The following COL4A2 variants were observed in gnomAD, a reference collection of about 807,000 sequenced individuals.
COL4A2 encodes the protein collagen alpha-2(IV) chain.
Under a neutral mutation model 200.2 loss-of-function variants are expected in COL4A2, and 99 were observed. That is an observed-to-expected ratio of 0.49 (90% CI 0.42 to 0.58). The LOEUF (loss-of-function observed/expected upper bound fraction) is 0.58. Among genes scored for constraint, COL4A2 ranks in the 20% least tolerant of loss-of-function variants. COL4A2 has a pLI of 0.00. For synonymous variants in COL4A2, 897 were observed against 900.6 expected, an observed-to-expected ratio of 1.00 and a Z score of 0.07; for missense variants, 1,950 against 2,314.1, an observed-to-expected ratio of 0.84 and a Z score of 3.23.
At chr13:110,470,835 C>T (rs117336711) in intron 28 of COL4A2, among the ~76,000 whole-genome samples, 17 of 152,320 alleles carry the variant, frequency 1.1e-4, no homozygotes, top group Middle Eastern at 3.4e-3. Context: ...TGGTATCTTT[C>T]GGAATTTTGT....
intron 4 of COL4A2, among the ~76,000 whole-genome samples, chr13:110,415,116 G>T (rs1879991015): frequency 6.6e-6 from 1 of 152,178 alleles, no homozygotes; most frequent in African/African-American, 2.4e-5. Context: ...CCGAGGTTTG[G>T]AGAAGGGAGC....
intron 28 of COL4A2, among the ~76,000 whole-genome samples, chr13:110,472,289 G>A (rs1336728018): frequency 6.6e-6 from 1 of 151,886 alleles, no homozygotes; most frequent in Non-Finnish European, 1.5e-5. Context: ...CTAATTTTTT[G>A]TATTTTTAGT....
chr13:110,484,091 C>T (rs1380945319), intron 32 of COL4A2, among the ~76,000 whole-genome samples: 2 of 38,456 alleles, frequency 5.2e-5, no homozygotes, highest in Non-Finnish European at 1.1e-4. Flanking sequence ...CAGGCTATTT[C>T]AGGCAAAAAA....
At position 110,373,482 on chromosome 13, in the gene COL4A2, G is replaced by A. The variant is rs576539176; in HGVS notation, c.180+15930G>A. 1.4e-4 allele frequency among the ~76,000 whole-genome samples: 21 copies of A among 152,342 alleles called. No homozygotes were observed. The South Asian group carries it at 4.1e-3, about 30-fold the overall frequency. Reference sequence around the variant, plus strand: ...CAACTTATAGAACAGTCCTCCTGATGTGATCAGCTAAAAAGAAATTTGAAG... The same window carrying A: ...CAACTTATAGAACAGTCCTCCTGATATGATCAGCTAAAAAGAAATTTGAAG... On this transcript the variant is annotated intron_variant, in intron 4 of 47. Coordinates refer to ENST00000360467, the MANE Select transcript of COL4A2 (RefSeq NM_001846.4).
chr13:110,347,885 G>A (rs1042973330), intron 3 of COL4A2, among the ~76,000 whole-genome samples: 2 of 152,244 alleles, frequency 1.3e-5, no homozygotes, highest in African/African-American at 4.8e-5. Context: ...GGGGCTTGTT[G>A]CCGATGACTC....
intron 21 of COL4A2, 23 bp from the exon 22 acceptor site, chr13:110,458,748 G>GCCCTCCTCT: frequency 6.2e-7 from 1 of 1,613,576 alleles, no homozygotes; most frequent in Non-Finnish European, 8.5e-7. Context: ...GAACAAGGAG[G>GCCCTCCTCT]CCCTCCTCTC....
chr13:110,482,448 C>A, intron 31 of COL4A2, 68 bp from the exon 32 acceptor site: 4 of 1,508,694 alleles, frequency 2.7e-6, no homozygotes, highest in Non-Finnish European at 3.7e-6. Flanking sequence ...GTTACGGAGA[C>A]GTGAGACTGA....
chr13:110,393,477 TTGTC>T (rs766791283), intron 4 of COL4A2, among the ~76,000 whole-genome samples: 31 of 152,176 alleles, frequency 2.0e-4, no homozygotes, highest in African/African-American at 6.8e-4. Context: ...TTTCAATTCT[TTGTC>T]TGAGTAGTGA....
intron 47 of COL4A2, among the ~76,000 whole-genome samples, chr13:110,509,298 A>AC (rs1566575734): frequency 2.2e-4 from 27 of 122,640 alleles, no homozygotes; most frequent in African/African-American, 7.7e-4. Context: ...CACACACACA[A>AC]CATAAAATAT....
chr13:110,328,609 G>A lies in COL4A2; in HGVS notation c.99+20486G>A, dbSNP rs75445628. Reference sequence around the variant, plus strand: ...GGCTGCTGGGCACGTTTAATTCAACGACTGTGCGGTGGTAAGGATGGTAGA... The same window carrying A: ...GGCTGCTGGGCACGTTTAATTCAACAACTGTGCGGTGGTAAGGATGGTAGA... On this transcript the variant is annotated intron_variant, in intron 3 of 47. Transcript: ENST00000360467. 222 of 152,344 alleles carry A rather than the reference G, an allele frequency of 1.5e-3. 1 individual carries two copies. The East Asian group carries it at 0.038, about 26-fold the overall frequency. The allele number at this position is 152,344 out of a possible 1,614,324, so 9.4% of individuals were successfully genotyped here. A position where few individuals can be genotyped will look rare whatever the true frequency, so the allele number is the denominator to read the frequency against.
chr13:110,375,546 C>T (rs1259505247), intron 4 of COL4A2, among the ~76,000 whole-genome samples: 1 of 152,126 alleles, frequency 6.6e-6, no homozygotes. Flanking sequence ...AAATTTTTGA[C>T]AGAGCCGGTG....
Position 110,458,780 on chromosome 13 carries a change from G to T in COL4A2, c.1442G>T (p.Gly481Val). The change falls in exon 22 of 48, where the codon GGG becomes GTG. Residue 481 changes from glycine to valine, a missense_variant. Physicochemically the swap from Gly to Val is moderately radical, Grantham distance 109 (BLOSUM62 -3). Around this residue, in one of 2 missense-constraint regions of COL4A2, gnomAD observed 1,385 missense variants for 1,720.5 expected, o/e 0.80. Coordinates refer to ENST00000360467, the MANE Select transcript of COL4A2 (RefSeq NM_001846.4). The stretch of plus-strand genomic sequence containing the variant: ...TCTCCCTCCTCTGCAGGTGACGCTG[G>T]GGAATGCAGATGTACAGAAGGCGAC... ...RGPKGWKGDAGECRCTEGDEA... is the reference protein window; with the variant it reads ...RGPKGWKGDAVECRCTEGDEA... 1 of 1,614,092 alleles carries T rather than the reference G, an allele frequency of 6.2e-7. No homozygotes were observed. Among genetic ancestry groups the T allele is most frequent in the Non-Finnish European group, 8.5e-7 (1 of 1,180,012 alleles).
rs773933253 is a variant in COL4A2, at chr13:110,504,195, G to A, written c.4333G>A (p.Val1445Met). The A allele has an allele frequency of 6.2e-7, 1 of 1,614,178 alleles. No individual in the cohort carries two copies. Among genetic ancestry groups the A allele is most frequent in the South Asian group, 1.1e-5 (1 of 91,086 alleles). Residue 1445 changes from valine to methionine, a missense_variant, in exon 45 of 48, where the codon GTG (valine) becomes ATG (methionine). This residue lies in a region of COL4A2 where 1,385 missense variants were observed against 1,720.5 expected (regional missense o/e 0.80). Coordinates refer to ENST00000360467, the MANE Select transcript of COL4A2 (RefSeq NM_001846.4). ...AGCTGGGCCCCAAGGAAGAGGTGGT[G>A]TGTCTGCTGTTCCCGGCTTCCGGGG... ...GKAGPQGRGG[V>M]SAVPGFRGDE...
In COL4A2 at chr13:110,506,415, G is replaced by T; in HGVS notation, c.4403G>T (p.Gly1468Val). ...IGHQGPIGQEGAPGRPGSPGL... is the reference protein window; with the variant it reads ...IGHQGPIGQEVAPGRPGSPGL... Reference sequence around the variant, plus strand: ...ACTCTCTCTCTTTCTCGGGCTGCAGGTGCACCAGGCCGTCCAGGGAGCCCG... The same window carrying T: ...ACTCTCTCTCTTTCTCGGGCTGCAGTTGCACCAGGCCGTCCAGGGAGCCCG... Residue 1468 changes from glycine to valine, a missense_variant and splice_region_variant, in exon 46 of 48, where the codon GGT becomes GTT. Around this residue, in one of 2 missense-constraint regions of COL4A2, gnomAD observed 1,385 missense variants for 1,720.5 expected, o/e 0.80. Transcript: ENST00000360467. 6.2e-7 allele frequency: 1 copy of T among 1,608,504 alleles called. No homozygotes were observed. The highest frequency in any genetic ancestry group is 8.5e-7 in the Non-Finnish European group (1 of 1,178,236).
chr13:110,365,137 T>C (rs1353530307), intron 4 of COL4A2, among the ~76,000 whole-genome samples: 10 of 152,160 alleles, frequency 6.6e-5, no homozygotes, highest in South Asian at 4.1e-4. Flanking sequence ...TCAAGGCATT[T>C]TCTCTCTTGC....
At chr13:110,509,270 T>TATACACACACACACAC (rs1435137108) in intron 47 of COL4A2, among the ~76,000 whole-genome samples, 30 of 115,572 alleles carry the variant, frequency 2.6e-4, no homozygotes, top group African/African-American at 8.4e-4. Context: ...TATATATATA[T>TATACACACACACACAC]ACACACACAC....
chr13:110,319,483 T>C (rs2139349561), intron 3 of COL4A2, among the ~76,000 whole-genome samples: 1 of 151,580 alleles, frequency 6.6e-6, no homozygotes, highest in East Asian at 1.9e-4. Flanking sequence ...TAGGAGAGAG[T>C]TTCCTTCTTG....
At chr13:110,428,655 G>T in intron 7 of COL4A2, 72 bp downstream of exon 7, 1 of 842,698 alleles carries the variant, frequency 1.2e-6, no homozygotes, top group East Asian at 3.0e-5. Context: ...TATAACCTGG[G>T]GGAGCCTCCC....
intron 4 of COL4A2, among the ~76,000 whole-genome samples, chr13:110,359,273 T>C (rs976213106): frequency 6.6e-6 from 1 of 152,254 alleles, no homozygotes; most frequent in African/African-American, 2.4e-5. Context: ...GATCTCTGAT[T>C]CTGTTGCCTT....
Sources: allele counts gnomAD v4.1 joint callset (sites outside exome capture counted in the v4.1 genomes callset), GRCh38; gene constraint gnomAD v4.1.1; regional missense constraint gnomAD v4.1.1; transcripts MANE v1.5; gene names NCBI Gene and HGNC (gene_info 2026-07-23, HGNC 2026-07-21).